NR5A2: variants seen among roughly 807,000 people sequenced by gnomAD.
The protein encoded by NR5A2 is CYP7A promoter-binding factor.
A neutral mutation model predicts 62.7 loss-of-function variants in NR5A2; 26 were observed. That is an observed-to-expected ratio of 0.41 (90% CI 0.30 to 0.58). NR5A2 has a LOEUF of 0.58. NR5A2 is among the 20% of genes least tolerant of loss of function. NR5A2 has a pLI of 0.22. For missense variants in NR5A2, 541 were observed against 669.1 expected (o/e 0.81, Z 2.11); for synonymous variants, 246 against 241.7 (o/e 1.02, Z -0.16).
intron 5 of NR5A2, among the ~76,000 whole-genome samples, chr1:200,084,513 G>T (rs1664438739): frequency 6.6e-6 from 1 of 152,114 alleles, no homozygotes; most frequent in African/African-American, 2.4e-5. Context: ...ACAGAGAAGG[G>T]TGTAAATCAT....
intron 5 of NR5A2, among the ~76,000 whole-genome samples, chr1:200,101,601 G>A (rs1383834327): frequency 6.6e-6 from 1 of 152,140 alleles, no homozygotes; most frequent in Non-Finnish European, 1.5e-5. Context: ...ATGTGTACAT[G>A]CTTTGACTTT....
intron 1 of NR5A2, among the ~76,000 whole-genome samples, chr1:200,036,216 AT>A (rs1661773324): frequency 6.6e-6 from 1 of 152,086 alleles, no homozygotes; most frequent in Non-Finnish European, 1.5e-5. Flanking sequence ...GGCTGTCTTC[AT>A]ATTGTGGCCT....
intron 7 of NR5A2, among the ~76,000 whole-genome samples, chr1:200,127,690 AAAAAAAAAAAAAAAAAAAAATATATATAT>A (rs1380847171): frequency 6.4e-5 from 5 of 78,544 alleles, no homozygotes; most frequent in Non-Finnish European, 1.0e-4. Flanking sequence ...AAAAAAAAAA[AAAAAAAAAAAAAAAAAAAAATATATATAT>A]ATATATATAT....
Position 200,147,659 on chromosome 1 carries a change from C to T in NR5A2, c.1379-26304C>T, listed in dbSNP as rs937052268. ...TGGATCTTGTCGATTGAGTTGAAGTCGGACACGTGGAAGACATGGGTGGAC... is the reference window on the plus strand; with the variant it reads ...TGGATCTTGTCGATTGAGTTGAAGTTGGACACGTGGAAGACATGGGTGGAC... On this transcript the variant is annotated intron_variant, in intron 7 of 7. Coordinates refer to ENST00000367362, the MANE Select transcript of NR5A2 (RefSeq NM_205860.3). This position sits in a 1 kb window ranked among gnomAD's most constrained non-coding sequence, Gnocchi z 4.9. 11 of 701,090 alleles carry T rather than the reference C, an allele frequency of 1.6e-5. No individual in the cohort carries two copies. In the African/African-American group the frequency reaches 1.6e-4, roughly 10 times the overall value. 43.4% of individuals were successfully genotyped at this position (701,090 alleles called of 1,614,324 possible). A position where few individuals can be genotyped will look rare whatever the true frequency, so the allele number is the denominator to read the frequency against.
At chr1:200,149,943 C>A (rs1652982159) in intron 7 of NR5A2, among the ~76,000 whole-genome samples, 1 of 152,142 alleles carries the variant, frequency 6.6e-6, no homozygotes, top group African/African-American at 2.4e-5. Context: ...TACCTCCATG[C>A]AGTAATGATA....
intron 7 of NR5A2, among the ~76,000 whole-genome samples, chr1:200,136,499 C>T (rs538489523): frequency 4.1e-4 from 63 of 152,320 alleles, no homozygotes; most frequent in African/African-American, 1.4e-3. Flanking sequence ...AGCAAGCCTT[C>T]GATGAAAGTA....
intron 1 of NR5A2, among the ~76,000 whole-genome samples, chr1:200,035,775 G>C (rs1028834293): frequency 1.3e-5 from 2 of 152,220 alleles, no homozygotes; most frequent in African/African-American, 4.8e-5. Context: ...TCAGAACCGG[G>C]AAGGGCGAGC....
chr1:200,067,814 A>T (rs1371693655), intron 5 of NR5A2, among the ~76,000 whole-genome samples: 1 of 152,246 alleles, frequency 6.6e-6, no homozygotes, highest in Admixed American at 6.5e-5. Context: ...CTAAGTGCCT[A>T]TGCAGACACC....
At position 200,078,718 on chromosome 1, in the gene NR5A2, C is replaced by T. The variant is rs181552528; in HGVS notation, c.1110+29900C>T. On this transcript the variant is annotated intron_variant, in intron 5 of 7. Coordinates refer to ENST00000367362, the MANE Select transcript of NR5A2 (RefSeq NM_205860.3). ...TTTAAAGTAACTTCATGCATGTGCTCTCATTAGATCCTTTATTTACTACCT... is the reference window on the plus strand; with the variant it reads ...TTTAAAGTAACTTCATGCATGTGCTTTCATTAGATCCTTTATTTACTACCT... Among the ~76,000 whole-genome samples, 259 of 152,184 alleles carry T rather than the reference C, an allele frequency of 1.7e-3. 1 individual carries two copies. Among genetic ancestry groups the T allele is most frequent in the African/African-American group, 6.0e-3 (249 of 41,512 alleles).
intron 1 of NR5A2, among the ~76,000 whole-genome samples, chr1:200,034,500 G>A (rs1046121196): frequency 4.0e-4 from 60 of 150,736 alleles, no homozygotes; most frequent in African/African-American, 1.3e-3. Flanking sequence ...AGGTTCTTCA[G>A]TGAACTCTTT....
intron 3 of NR5A2, among the ~76,000 whole-genome samples, chr1:200,044,749 T>C (rs907360858): frequency 1.3e-5 from 2 of 152,090 alleles, no homozygotes; most frequent in Non-Finnish European, 2.9e-5. Context: ...AATCTCATAT[T>C]ATAAAGCTAC....
At chr1:200,117,783 G>A (rs560779734) in intron 6 of NR5A2, among the ~76,000 whole-genome samples, 12 of 151,154 alleles carry the variant, frequency 7.9e-5, no homozygotes, top group Non-Finnish European at 1.5e-4. Context: ...GCGCAATCTC[G>A]GCTCACTGCA....
intron 5 of NR5A2, among the ~76,000 whole-genome samples, chr1:200,053,277 T>C (rs1662744763): frequency 6.6e-6 from 1 of 152,060 alleles, no homozygotes; most frequent in South Asian, 2.1e-4. Context: ...TCATCCAAAA[T>C]AATGGCTTGA....
In NR5A2 at chr1:200,147,594, G is replaced by A. The variant is rs1223862200; in HGVS notation, c.1379-26369G>A. The A allele has an allele frequency of 4.2e-6, 3 of 720,636 alleles. No homozygotes were observed. Among genetic ancestry groups the A allele is most frequent in the Non-Finnish European group, 7.7e-6 (3 of 388,912 alleles). 44.6% of individuals were successfully genotyped at this position (720,636 alleles called of 1,614,324 possible). Reference sequence around the variant, plus strand: ...CGATCTCCTCTACACGAACGCTAGGGCAGAGCACATTTTCGCACAGGCAGC... The same window carrying A: ...CGATCTCCTCTACACGAACGCTAGGACAGAGCACATTTTCGCACAGGCAGC... On this transcript the variant is annotated intron_variant, in intron 7 of 7. Transcript: ENST00000367362. This position sits in a 1 kb window ranked among gnomAD's most constrained non-coding sequence, Gnocchi z 4.9.
intron 7 of NR5A2, among the ~76,000 whole-genome samples, chr1:200,148,686 C>G (rs1166651457): frequency 6.6e-6 from 1 of 152,202 alleles, no homozygotes; most frequent in Non-Finnish European, 1.5e-5. Flanking sequence ...CCCTGGTAAA[C>G]TTCAAATTCA....
At chr1:200,113,535 A>G (rs1235666389) in intron 6 of NR5A2, among the ~76,000 whole-genome samples, 1 of 152,244 alleles carries the variant, frequency 6.6e-6, no homozygotes, top group East Asian at 1.9e-4. Flanking sequence ...TCTCTATCAG[A>G]ATGAGACAGA....
At chr1:200,156,855 T>C (rs79908174) in intron 7 of NR5A2, among the ~76,000 whole-genome samples, 4,172 of 152,288 alleles carry the variant, frequency 0.027, 96 homozygotes, top group South Asian at 0.059. Flanking sequence ...GCTATGATGT[T>C]CAGAAGGTTA....
In NR5A2 at chr1:200,032,774, G is replaced by GAGGTCAAGCAATTTACTCAGC. The variant is rs566901433; in HGVS notation, c.64+4864_64+4884dup. On this transcript the variant is annotated intron_variant, in intron 1 of 7. Transcript: ENST00000367362. ...TTTTACTGATTAAAAAATGGAATCA[G>GAGGTCAAGCAATTTACTCAGC]AGGTCAAGCAATTTACTCAGCTTGT... Among the ~76,000 whole-genome samples, 729 of 152,228 alleles carry GAGGTCAAGCAATTTACTCAGC rather than the reference G, an allele frequency of 4.8e-3. 7 individuals are homozygous for GAGGTCAAGCAATTTACTCAGC. The highest frequency in any genetic ancestry group is 0.017 in the African/African-American group (705 of 41,542).
chr1:200,089,041 G>A (rs1664686725), intron 5 of NR5A2, among the ~76,000 whole-genome samples: 2 of 152,078 alleles, frequency 1.3e-5, no homozygotes, highest in South Asian at 4.2e-4. Flanking sequence ...TTCTCTTATT[G>A]GTTTCCTTAC....
Sources: allele counts gnomAD v4.1 joint callset (sites outside exome capture counted in the v4.1 genomes callset), GRCh38; gene constraint gnomAD v4.1.1; non-coding constraint Gnocchi (gnomAD v3.1); transcripts MANE v1.5; gene names NCBI Gene and HGNC (gene_info 2026-07-23, HGNC 2026-07-21).